The following ALK variants were observed in gnomAD, a reference collection of about 807,000 sequenced individuals.
The protein encoded by ALK is ALK receptor tyrosine kinase, also known as ALK tyrosine kinase receptor.
A neutral mutation model predicts 163.1 loss-of-function variants in ALK; 74 were observed. The observed-to-expected ratio is 0.45, with a 90% CI of 0.38 to 0.55. The LOEUF is 0.55. Ranked by LOEUF, ALK falls within the 20% of genes least tolerant of loss-of-function variation. The probability of loss-of-function intolerance (pLI) is 0.00; values close to 1 mark genes in which losing one functional copy is unlikely to be tolerated. For missense variants in ALK, 2,063 were observed against 2,105.3 expected, an observed-to-expected ratio of 0.98 and a Z score of 0.39; for synonymous variants, 960 against 843.2, an observed-to-expected ratio of 1.14 and a Z score of -2.40.
At chr2:29,663,071 C>A (rs973287208) in intron 3 of ALK, among the ~76,000 whole-genome samples, 2 of 152,120 alleles carry the variant, frequency 1.3e-5, no homozygotes, top group Non-Finnish European at 2.9e-5. Context: ...AACACACTTC[C>A]TAAACAACAC....
Position 29,920,326 on chromosome 2 carries a change from C to T in ALK, c.334G>A (p.Ala112Thr), listed in dbSNP as rs1060500227. The T allele has an allele frequency of 1.9e-6, 3 of 1,553,764 alleles. No individual in the cohort carries two copies. Among genetic ancestry groups the T allele is most frequent in the Non-Finnish European group, 2.6e-6 (3 of 1,150,290 alleles). ...LGPAPGVSWTAGSPAPAEART... is the reference protein window; with the variant it reads ...LGPAPGVSWTTGSPAPAEART... ...GCCTCTGCCGGGGCTGGTGAACCGGCGGTCCAGGAGACCCCCGGCGCCGGC... is the reference window on the plus strand; with the variant it reads ...GCCTCTGCCGGGGCTGGTGAACCGGTGGTCCAGGAGACCCCCGGCGCCGGC... Residue 112 changes from alanine (A) to threonine (T), a missense_variant, in exon 1 of 29, where the codon GCC becomes ACC. Physicochemically the swap from Ala to Thr is moderately conservative, Grantham distance 58. This residue lies in a region of ALK where 987 missense variants were observed against 939.5 expected (regional missense o/e 1.05). Transcript: ENST00000389048.
chr2:29,871,639 T>C (rs542040080), intron 1 of ALK, among the ~76,000 whole-genome samples: 5 of 152,332 alleles, frequency 3.3e-5, no homozygotes, highest in South Asian at 2.1e-4. Context: ...TGACTACATA[T>C]GTGCTTAAAA....
rs115192144 is a variant in ALK at position 29,670,479 on chromosome 2, A to G, written c.952+24371T>C. ...GTTTCTGAACTTTGAGAGTTTGGTT[A>G]TTATATACCTTGGTGTGGTCTTATT... is the stretch of plus-strand genomic sequence containing the variant. On this transcript the variant is annotated intron_variant, in intron 3 of 28. Coordinates refer to ENST00000389048, the MANE Select transcript of ALK (RefSeq NM_004304.5). Among the ~76,000 whole-genome samples the G allele has an allele frequency of 4.3e-3, 659 of 151,994 alleles. 2 individuals carry two copies. The highest frequency in any genetic ancestry group is 0.015 in the African/African-American group (625 of 41,470).
chr2:29,392,777 C>T (rs755817376), intron 4 of ALK, among the ~76,000 whole-genome samples: 33 of 152,186 alleles, frequency 2.2e-4, no homozygotes, highest in Non-Finnish European at 4.6e-4. Context: ...CTTAACTGGA[C>T]TTCGTGTGAC....
At chr2:29,773,873 G>T (rs77026737) in intron 1 of ALK, among the ~76,000 whole-genome samples, 5 of 152,172 alleles carry the variant, frequency 3.3e-5, no homozygotes, top group South Asian at 2.1e-4. Context: ...TAATGTGAAG[G>T]CTTCTTTCAA....
intron 8 of ALK, among the ~76,000 whole-genome samples, chr2:29,301,599 A>G (rs1666372590): frequency 6.6e-6 from 1 of 152,222 alleles, no homozygotes; most frequent in East Asian, 1.9e-4. Flanking sequence ...AGGGAAGGGG[A>G]GAAGTTCCTC....
At chr2:29,633,567 T>C (rs150023262) in intron 3 of ALK, among the ~76,000 whole-genome samples, 89 of 150,872 alleles carry the variant, frequency 5.9e-4, no homozygotes, top group Non-Finnish European at 1.2e-3. Context: ...ATAATAAATA[T>C]AGAGAAAAAA....
chr2:29,531,911 T>G lies in ALK; in HGVS notation c.1154+4A>C. The G allele has an allele frequency of 6.2e-7, 1 of 1,614,118 alleles. No individual in the cohort carries two copies. The highest frequency in any genetic ancestry group is 8.5e-7 in the Non-Finnish European group (1 of 1,180,002). ...ATCAATTTTGGACATGGAGAAGTACTTACCCATGCTTCCCTGGAGTGGGCA... is the reference window on the plus strand; with the variant it reads ...ATCAATTTTGGACATGGAGAAGTACGTACCCATGCTTCCCTGGAGTGGGCA... On this transcript the variant is annotated splice_donor_region_variant and intron_variant, in intron 4 of 28. Coordinates refer to ENST00000389048, the MANE Select transcript of ALK (RefSeq NM_004304.5).
In ALK at chr2:29,901,810, C is replaced by T. The variant is rs143114930; in HGVS notation, c.667+18183G>A. 4.8e-3 allele frequency among the ~76,000 whole-genome samples: 729 copies of T among 152,244 alleles called. 6 individuals are homozygous for T. Among genetic ancestry groups the T allele is most frequent in the African/African-American group, 0.017 (691 of 41,524 alleles). On this transcript the variant is annotated intron_variant, in intron 1 of 28. Coordinates refer to ENST00000389048, the MANE Select transcript of ALK (RefSeq NM_004304.5). ...TCTTCTGGTGAACATTCTCGATCAC[C>T]TTAATCCCTTCACTGACAGTCTTCT...
At chr2:29,574,974 G>T (rs529627765) in intron 3 of ALK, among the ~76,000 whole-genome samples, 2 of 152,298 alleles carry the variant, frequency 1.3e-5, no homozygotes, top group South Asian at 4.1e-4. Context: ...CAACTTCAGA[G>T]AATTCAGGCA....
intron 3 of ALK, among the ~76,000 whole-genome samples, chr2:29,597,683 C>A (rs1675251426): frequency 6.6e-6 from 1 of 152,274 alleles, no homozygotes; most frequent in South Asian, 2.1e-4. Context: ...GAACCTTAGC[C>A]ATGATTTTAA....
At chr2:29,594,426 CTTTTTTTTT>C (rs754184164) in intron 3 of ALK, among the ~76,000 whole-genome samples, 1 of 128,958 alleles carries the variant, frequency 7.8e-6, no homozygotes, top group African/African-American at 3.0e-5. Flanking sequence ...GGTCTCCTCA[CTTTTTTTTT>C]TTTTTTTTTT....
At chr2:29,199,334 T>G (rs1253134549) in intron 26 of ALK, among the ~76,000 whole-genome samples, 4 of 152,218 alleles carry the variant, frequency 2.6e-5, no homozygotes, top group African/African-American at 9.6e-5. Flanking sequence ...TTTTTTAATG[T>G]CATGATTTCC....
chr2:29,733,791 CA>C (rs1279462422), intron 1 of ALK, among the ~76,000 whole-genome samples: 1 of 152,072 alleles, frequency 6.6e-6, no homozygotes, highest in East Asian at 1.9e-4. Context: ...GGAAGATCTG[CA>C]ATCCAGACAC....
chr2:29,576,301 G>A (rs865968083), intron 3 of ALK, among the ~76,000 whole-genome samples: 6 of 152,244 alleles, frequency 3.9e-5, no homozygotes, highest in Non-Finnish European at 7.3e-5. Context: ...CCAGAGATCA[G>A]GAGCAGAACC....
Position 29,193,332 on chromosome 2 carries a change from G to C in ALK, c.4755C>G (p.Gly1585=), listed in dbSNP as rs1060500217. 1.2e-6 allele frequency: 2 copies of C among 1,614,098 alleles called. No homozygotes were observed. Among genetic ancestry groups the C allele is most frequent in the African/African-American group, 2.7e-5 (2 of 74,932 alleles). The change falls in exon 29 of 29, where the codon GGC becomes GGG. Residue 1585 remains glycine (G), a synonymous_variant. Coordinates refer to ENST00000389048, the MANE Select transcript of ALK (RefSeq NM_004304.5). ...RHFPCGNVNY[G]YQQQGLPLEA... ...CTAAGGGCAAGCCCTGTTGCTGGTA[G>C]CCGTAATTGACATTCCCACAAGGGA... is the stretch of plus-strand genomic sequence containing the variant.
intron 1 of ALK, among the ~76,000 whole-genome samples, chr2:29,762,447 G>C (rs776021896): frequency 1.3e-5 from 2 of 152,166 alleles, no homozygotes; most frequent in Admixed American, 6.5e-5. Flanking sequence ...GCTGCGCAGA[G>C]GGTTGCGTTT....
intron 4 of ALK, among the ~76,000 whole-genome samples, chr2:29,468,641 G>A (rs538161253): frequency 6.6e-6 from 1 of 151,994 alleles, no homozygotes; most frequent in African/African-American, 2.4e-5. Flanking sequence ...TTGAGCCCAG[G>A]GGTTCAGGAC....
chr2:29,609,643 C>T (rs1438548478), intron 3 of ALK, among the ~76,000 whole-genome samples: 2 of 87,308 alleles, frequency 2.3e-5, no homozygotes, highest in Admixed American at 1.2e-4. Context: ...AACATATTTA[C>T]ATTTTTTTTT....
Sources: allele counts gnomAD v4.1 joint callset (sites outside exome capture counted in the v4.1 genomes callset), GRCh38; gene constraint gnomAD v4.1.1; regional missense constraint gnomAD v4.1.1; transcripts MANE v1.5; gene names NCBI Gene and HGNC (gene_info 2026-07-23, HGNC 2026-07-21).